Variants in ADORA1 observed in about 807,000 individuals in gnomAD.
ADORA1 encodes adenosine A1 receptor, also known as adenosine receptor A1.
In ADORA1, 6 loss-of-function variants were observed where a neutral mutation model predicts 19.9. The observed-to-expected ratio is 0.30, with a 90% CI of 0.17 to 0.59. The LOEUF is 0.59. Ranked by LOEUF, ADORA1 falls within the 20% of genes least tolerant of loss-of-function variation. ADORA1 has a pLI of 0.87. For missense variants in ADORA1, 302 were observed against 439.2 expected (o/e 0.69, Z 2.79); for synonymous variants, 194 against 188.4 (o/e 1.03, Z -0.24).
intron 3 of ADORA1, among the ~76,000 whole-genome samples, chr1:203,146,095 CAAGG>C (rs1231214686): frequency 6.7e-6 from 1 of 150,242 alleles, no homozygotes; most frequent in Admixed American, 6.7e-5. Flanking sequence ...TAGAAGTTCT[CAAGG>C]AAGGAAGACT....
chr1:203,129,248 A>C (rs1450778977), intron 3 of ADORA1, 66 bp downstream of exon 3: 1 of 1,541,694 alleles, frequency 6.5e-7, no homozygotes, highest in African/African-American at 1.4e-5. Flanking sequence ...CCATCTAGAA[A>C]GGAAAAAAGG....
chr1:203,129,186 A>G lies in ADORA1; in HGVS notation c.341+4A>G. ...TCCGGGTCAAGATCCCTCTCCGGTG[A>G]GTCCACAGCGCCGAAGGTACTCGCA... On this transcript the variant is annotated splice_donor_region_variant and intron_variant, in intron 3 of 3. Coordinates refer to ENST00000337894, the MANE Select transcript of ADORA1 (RefSeq NM_000674.3). 1.2e-6 allele frequency: 2 copies of G among 1,605,504 alleles called. No individual in the cohort carries two copies. The highest frequency in any genetic ancestry group is 1.7e-6 in the Non-Finnish European group (2 of 1,175,110).
chr1:203,158,481 C>T (rs1029100977), intron 3 of ADORA1, among the ~76,000 whole-genome samples: 3 of 152,206 alleles, frequency 2.0e-5, no homozygotes, highest in African/African-American at 7.2e-5. Context: ...TTCAGTTGCT[C>T]CTTACAGCTC....
chr1:203,134,867 A>G (rs2102737721), intron 3 of ADORA1, among the ~76,000 whole-genome samples: 1 of 152,328 alleles, frequency 6.6e-6, no homozygotes, highest in East Asian at 1.9e-4. Context: ...TTTATATCCT[A>G]TTTTATTCAC....
chr1:203,143,566 T>TGC (rs776983796), intron 3 of ADORA1, among the ~76,000 whole-genome samples: 6 of 152,026 alleles, frequency 3.9e-5, no homozygotes, highest in African/African-American at 9.7e-5. Flanking sequence ...TGTTTGTGTG[T>TGC]GCAGGGGGTT....
chr1:203,139,833 G>A (rs1654622473), intron 3 of ADORA1, among the ~76,000 whole-genome samples: 1 of 152,138 alleles, frequency 6.6e-6, no homozygotes, highest in African/African-American at 2.4e-5. Flanking sequence ...TCTGGGGCAG[G>A]CCCTTGTTGG....
chr1:203,150,678 T>G (rs1376028891), intron 3 of ADORA1: 1 of 1,289,800 alleles, frequency 7.8e-7, no homozygotes, highest in Non-Finnish European at 1.0e-6. Context: ...CAGGAAGAAC[T>G]GAAGTTAGAC....
chr1:203,146,376 C>T (rs529546764), intron 3 of ADORA1, among the ~76,000 whole-genome samples: 138 of 152,188 alleles, frequency 9.1e-4, no homozygotes, highest in African/African-American at 3.2e-3. Flanking sequence ...TGCCTGTAAT[C>T]CCAATACTTT....
At chr1:203,144,081 TAC>T (rs10525873) in intron 3 of ADORA1, among the ~76,000 whole-genome samples, 8,888 of 139,756 alleles carry the variant, frequency 0.064, 319 homozygotes, top group Non-Finnish European at 0.079. Context: ...GACTACCTCT[TAC>T]ACACACACAC....
chr1:203,137,269 T>C (rs972221874), intron 3 of ADORA1, among the ~76,000 whole-genome samples: 1 of 152,176 alleles, frequency 6.6e-6, no homozygotes, highest in African/African-American at 2.4e-5. Flanking sequence ...AGCATAGGAA[T>C]GTACCTGAAG....
chr1:203,149,320 G>C (rs1654960226), intron 3 of ADORA1, among the ~76,000 whole-genome samples: 1 of 152,224 alleles, frequency 6.6e-6, no homozygotes, highest in South Asian at 2.1e-4. Context: ...TGGCAGAGCG[G>C]AGTGATTTAT....
chr1:203,134,020 G>A (rs1571782502), intron 3 of ADORA1, among the ~76,000 whole-genome samples: 1 of 152,176 alleles, frequency 6.6e-6, no homozygotes, highest in East Asian at 1.9e-4. Context: ...TTTCAGAGAG[G>A]TAGGCCGTCT....
chr1:203,142,923 G>A lies in ADORA1; in HGVS notation c.341+13741G>A, dbSNP rs144641542. On this transcript the variant is annotated intron_variant, in intron 3 of 3. Transcript: ENST00000337894. Reference sequence around the variant, plus strand: ...GCTGTGCCCAGCACACACACCTGCCGCAATGCCCTGTTCTCTGTAAACACA... The same window carrying A: ...GCTGTGCCCAGCACACACACCTGCCACAATGCCCTGTTCTCTGTAAACACA... Among the ~76,000 whole-genome samples the A allele has an allele frequency of 2.6e-5, 4 of 152,220 alleles. No homozygotes were observed. In the East Asian group the frequency reaches 7.7e-4, roughly 29 times the overall value.
At chr1:203,148,847 G>A (rs762899848) in intron 3 of ADORA1, among the ~76,000 whole-genome samples, 1 of 151,986 alleles carries the variant, frequency 6.6e-6, no homozygotes, top group Non-Finnish European at 1.5e-5. Context: ...CTTGCCTGGT[G>A]GCGTTCCCCA....
Position 203,165,079 on chromosome 1 carries a change from G to T in ADORA1, c.342-182G>T. 6.4e-7 allele frequency: 1 copy of T among 1,550,700 alleles called. No homozygotes were observed. The highest frequency in any genetic ancestry group is 8.7e-7 in the Non-Finnish European group (1 of 1,147,008). On this transcript the variant is annotated intron_variant, in intron 3 of 3. Coordinates refer to ENST00000337894, the MANE Select transcript of ADORA1 (RefSeq NM_000674.3). This position sits in a 1 kb window ranked among gnomAD's most constrained non-coding sequence, Gnocchi z 5.9. Reference sequence around the variant, plus strand: ...AGGAGAATAAGCCAATGCATGGCAAGCACTAAATCTTAGATCCTGAAGACT... The same window carrying T: ...AGGAGAATAAGCCAATGCATGGCAATCACTAAATCTTAGATCCTGAAGACT...
intron 3 of ADORA1, among the ~76,000 whole-genome samples, chr1:203,158,224 T>C (rs557949810): frequency 7.9e-4 from 121 of 152,328 alleles, no homozygotes; most frequent in Non-Finnish European, 1.5e-3. Context: ...CTTGAATGTT[T>C]TGTTGTTTGT....
At position 203,128,237 on chromosome 1, in the gene ADORA1, C is replaced by T; in HGVS notation, c.-212-41C>T. 3 of 1,060,542 alleles carry T rather than the reference C, an allele frequency of 2.8e-6. No individual in the cohort carries two copies. The highest frequency in any genetic ancestry group is 3.7e-6 in the Non-Finnish European group (3 of 808,356). 65.7% of individuals were successfully genotyped at this position (1,060,542 alleles called of 1,614,324 possible). On this transcript the variant is annotated intron_variant, in intron 1 of 3. Coordinates refer to ENST00000337894, the MANE Select transcript of ADORA1 (RefSeq NM_000674.3). The surrounding 1 kb of genome is among the most constrained non-coding windows in gnomAD (Gnocchi z 5.9). Reference sequence around the variant, plus strand: ...AGGGGCGCTACCTCTTTAAAAGCGTCCGGGGCTGAGTCTCTGCCGTACCAT... The same window carrying T: ...AGGGGCGCTACCTCTTTAAAAGCGTTCGGGGCTGAGTCTCTGCCGTACCAT...
rs888936580 is a variant in ADORA1 at position 203,162,491 on chromosome 1, A to T, written c.342-2770A>T. Reference sequence around the variant, plus strand: ...CTCTCCATAGGTCATCACTGCCCTGATGTCAGTCCCAGGCTAGATCCCCCA... The same window carrying T: ...CTCTCCATAGGTCATCACTGCCCTGTTGTCAGTCCCAGGCTAGATCCCCCA... On this transcript the variant is annotated intron_variant, in intron 3 of 3. Transcript: ENST00000337894. Among the ~76,000 whole-genome samples the T allele has an allele frequency of 3.3e-5, 5 of 152,174 alleles. No homozygotes were observed. The East Asian group carries it at 7.7e-4, about 24-fold the overall frequency.
chr1:203,128,647 C>T lies in ADORA1; in HGVS notation c.-57-138C>T, dbSNP rs925436936. The T allele has an allele frequency of 5.6e-6, 6 of 1,080,326 alleles. No individual in the cohort carries two copies. The highest frequency in any genetic ancestry group is 1.6e-5 in the African/African-American group (1 of 62,778). 66.9% of individuals were successfully genotyped at this position (1,080,326 alleles called of 1,614,324 possible). On this transcript the variant is annotated intron_variant, in intron 2 of 3. Coordinates refer to ENST00000337894, the MANE Select transcript of ADORA1 (RefSeq NM_000674.3). This position sits in a 1 kb window ranked among gnomAD's most constrained non-coding sequence, Gnocchi z 5.9. ...GACAAAGATTAGGCAGAGAAGGGTCCGGGTGCCCCTCCAGCCTGGGTAGGA... is the reference window on the plus strand; with the variant it reads ...GACAAAGATTAGGCAGAGAAGGGTCTGGGTGCCCCTCCAGCCTGGGTAGGA...
Sources: gnomAD v4.1 joint callset for allele counts (sites outside exome capture counted in the v4.1 genomes callset) on GRCh38, gnomAD v4.1.1 for gene constraint, Gnocchi (gnomAD v3.1) non-coding constraint, MANE v1.5 for transcripts, NCBI Gene and HGNC (gene_info 2026-07-23, HGNC 2026-07-21) for gene names.